The following DMD variants were observed in gnomAD, a reference collection of about 807,000 sequenced individuals.
DMD encodes the protein mutant dystrophin.
A neutral mutation model predicts 330.1 loss-of-function variants in DMD; 63 were observed. The observed-to-expected ratio is 0.19, with a 90% CI of 0.16 to 0.24. DMD has a LOEUF of 0.24. Ranked by LOEUF, DMD falls within the 10% of genes least tolerant of loss-of-function variation. The pLI, the probability that DMD is intolerant of heterozygous loss-of-function variation, is 1.00. For missense variants in DMD, 3,344 were observed against 2,684.1 expected (o/e 1.25, Z -5.43); for synonymous variants, 1,223 against 959.8 (o/e 1.27, Z -5.07).
intron 44 of DMD, among the ~76,000 whole-genome samples, chrX:32,064,348 AT>A (rs2096247517): frequency 9.0e-6 from 1 of 111,173 alleles, no homozygotes; most frequent in Non-Finnish European, 1.9e-5. Flanking sequence ...ACTACTTGTC[AT>A]TTCTCTGTTA....
At chrX:31,707,001 C>T (rs1450354690) in intron 52 of DMD, among the ~76,000 whole-genome samples, 4 of 111,658 alleles carry the variant, frequency 3.6e-5, no homozygotes, top group Admixed American at 9.5e-5. Flanking sequence ...CAAAAGATAG[C>T]TGATATAAAC....
intron 66 of DMD, among the ~76,000 whole-genome samples, chrX:31,205,531 C>T (rs1050449934): frequency 1.8e-5 from 2 of 112,155 alleles, no homozygotes; most frequent in Admixed American, 9.5e-5. Flanking sequence ...ACCATATATA[C>T]GGTAGATTAG....
chrX:33,017,037 A>G (rs376423540), intron 2 of DMD, among the ~76,000 whole-genome samples: 4 of 111,836 alleles, frequency 3.6e-5, no homozygotes, highest in Non-Finnish European at 5.6e-5. Context: ...TTGTTCAGTT[A>G]TCTCTATATA....
At chrX:31,986,507 G>A (rs971264587) in intron 44 of DMD, among the ~76,000 whole-genome samples, 4 of 110,912 alleles carry the variant, frequency 3.6e-5, no homozygotes, top group Admixed American at 1.9e-4. Flanking sequence ...CTGCCTCCCG[G>A]GTTCAAGCGA....
At chrX:32,868,874 G>C (rs1192804527) in intron 2 of DMD, among the ~76,000 whole-genome samples, 1 of 112,286 alleles carries the variant, frequency 8.9e-6, no homozygotes, top group Non-Finnish European at 1.9e-5. Flanking sequence ...CCCCAGGACA[G>C]CAAACCCCCT....
At chrX:31,707,011 C>T (rs2084249595) in intron 52 of DMD, among the ~76,000 whole-genome samples, 1 of 111,632 alleles carries the variant, frequency 9.0e-6, no homozygotes, top group East Asian at 2.8e-4. Flanking sequence ...CTGATATAAA[C>T]TTGCCATGCT....
chrX:33,332,191 T>A (rs1666963697), intron 1 of DMD, among the ~76,000 whole-genome samples: 2 of 111,352 alleles, frequency 1.8e-5, no homozygotes, highest in Admixed American at 9.6e-5. Context: ...AAAACATATA[T>A]CTGCACAGAG....
At chrX:32,164,622 C>T (rs765946159) in intron 44 of DMD, among the ~76,000 whole-genome samples, 3 of 111,634 alleles carry the variant, frequency 2.7e-5, no homozygotes, top group Non-Finnish European at 5.6e-5. Flanking sequence ...AAAAGAAAAA[C>T]CCATTTTCTG....
chrX:32,027,143 GAC>G (rs777826426), intron 44 of DMD, among the ~76,000 whole-genome samples: 770 of 71,987 alleles, frequency 0.011, 5 homozygotes, highest in African/African-American at 0.038. Context: ...TGAGTATTAT[GAC>G]ACACACACAC....
chrX:31,719,386 G>C (rs1203077764), intron 52 of DMD, among the ~76,000 whole-genome samples: 1 of 112,137 alleles, frequency 8.9e-6, no homozygotes, highest in Non-Finnish European at 1.9e-5. Context: ...CATCACCATT[G>C]TTATAATTAT....
At chrX:32,361,883 T>G (rs892282470) in intron 37 of DMD, among the ~76,000 whole-genome samples, 4 of 111,693 alleles carry the variant, frequency 3.6e-5, no homozygotes, top group African/African-American at 1.3e-4. Flanking sequence ...TATATTGATT[T>G]TATATACATT....
At chrX:32,596,116 A>G (rs1019474225) in intron 12 of DMD, among the ~76,000 whole-genome samples, 22 of 111,007 alleles carry the variant, frequency 2.0e-4, no homozygotes, top group Non-Finnish European at 3.2e-4. Context: ...GTACAGCAGG[A>G]TGTTCTCCTT....
At chrX:32,551,855 T>G (rs1603636115) in intron 16 of DMD, among the ~76,000 whole-genome samples, 1 of 111,538 alleles carries the variant, frequency 9.0e-6, no homozygotes, top group African/African-American at 3.3e-5. Context: ...TAAGGCCAAA[T>G]GAAGAACACA....
At chrX:32,223,574 G>C (rs961180742) in intron 43 of DMD, among the ~76,000 whole-genome samples, 1 of 111,597 alleles carries the variant, frequency 9.0e-6, no homozygotes, top group Non-Finnish European at 1.9e-5. Flanking sequence ...AAGTGAAATT[G>C]GTGGGCTATA....
intron 13 of DMD, among the ~76,000 whole-genome samples, chrX:32,576,490 T>C (rs1344092992): frequency 9.0e-6 from 1 of 110,567 alleles, no homozygotes; most frequent in Non-Finnish European, 1.9e-5. Flanking sequence ...TCTAAGAACC[T>C]AGACAGGTAC....
chrX:31,733,932 A>G (rs1251803305), intron 51 of DMD, among the ~76,000 whole-genome samples: 1 of 110,878 alleles, frequency 9.0e-6, no homozygotes, highest in African/African-American at 3.3e-5. Flanking sequence ...TTCTACTAGC[A>G]CCTCCATCGG....
chrX:32,220,660 T>G (rs1478843036), intron 43 of DMD, among the ~76,000 whole-genome samples: 1 of 111,107 alleles, frequency 9.0e-6, no homozygotes, highest in Non-Finnish European at 1.9e-5. Flanking sequence ...ATATATATTT[T>G]TTCTGGTTTT....
intron 7 of DMD, among the ~76,000 whole-genome samples, chrX:32,767,927 C>A (rs973867224): frequency 1.8e-4 from 20 of 111,125 alleles, no homozygotes; most frequent in African/African-American, 6.5e-4. Context: ...GCTAAAGAAT[C>A]AATTATTTTC....
At chrX:32,327,644 C>A (rs987063414) in intron 41 of DMD, among the ~76,000 whole-genome samples, 3 of 111,103 alleles carry the variant, frequency 2.7e-5, no homozygotes, top group African/African-American at 9.8e-5. Flanking sequence ...CTTTACAATC[C>A]AGATAGTTTC....
Sources: gnomAD v4.1 joint callset for allele counts (sites outside exome capture counted in the v4.1 genomes callset) on GRCh38, gnomAD v4.1.1 for gene constraint, MANE v1.5 for transcripts, NCBI Gene and HGNC (gene_info 2026-07-23, HGNC 2026-07-21) for gene names.